Variants in HCN1 observed in about 807,000 individuals in gnomAD.
HCN1 encodes the protein potassium/sodium hyperpolarization-activated cyclic nucleotide-gated channel 1.
HCN1 carries 13 observed loss-of-function variants against 78.9 expected under a neutral mutation model. That is an observed-to-expected ratio of 0.16 (90% CI 0.11 to 0.26). HCN1 has a LOEUF of 0.26. Ranked by LOEUF, HCN1 falls within the 10% of genes least tolerant of loss-of-function variation. The probability of loss-of-function intolerance (pLI) is 1.00; values close to 1 mark genes in which losing one functional copy is unlikely to be tolerated. For missense variants in HCN1, 810 were observed against 1,154.3 expected, an observed-to-expected ratio of 0.70 and a Z score of 4.32; for synonymous variants, 552 against 455.5, an observed-to-expected ratio of 1.21 and a Z score of -2.70.
intron 2 of HCN1, among the ~76,000 whole-genome samples, chr5:45,526,350 C>A (rs547648037): frequency 6.6e-6 from 1 of 152,188 alleles, no homozygotes; most frequent in East Asian, 1.9e-4. Flanking sequence ...CTAAACTAAA[C>A]TCCCTGGGAG....
intron 5 of HCN1, among the ~76,000 whole-genome samples, chr5:45,322,589 A>G (rs1746146286): frequency 6.6e-6 from 1 of 151,872 alleles, no homozygotes. Flanking sequence ...TATGTTTCAT[A>G]TATACTTCAA....
At chr5:45,279,559 C>T (rs980408894) in intron 6 of HCN1, among the ~76,000 whole-genome samples, 2 of 152,024 alleles carry the variant, frequency 1.3e-5, no homozygotes, top group Admixed American at 6.6e-5. Flanking sequence ...TAACAATATA[C>T]TATATTACTA....
At chr5:45,337,412 G>A (rs1280607555) in intron 5 of HCN1, among the ~76,000 whole-genome samples, 1 of 152,094 alleles carries the variant, frequency 6.6e-6, no homozygotes, top group Non-Finnish European at 1.5e-5. Context: ...TCTGTGGACA[G>A]AAGACTTTGT....
intron 4 of HCN1, among the ~76,000 whole-genome samples, chr5:45,357,746 G>A (rs1747029572): frequency 6.6e-6 from 1 of 151,952 alleles, no homozygotes; most frequent in Admixed American, 6.6e-5. Context: ...AATGATTTGT[G>A]CTATGGTTTG....
chr5:45,671,464 A>G (rs1326268529), intron 1 of HCN1, among the ~76,000 whole-genome samples: 2 of 151,396 alleles, frequency 1.3e-5, no homozygotes, highest in Non-Finnish European at 3.0e-5. Context: ...CTCCCACTAG[A>G]CTGTAAGATC....
chr5:45,323,041 G>T (rs1746154208), intron 5 of HCN1, among the ~76,000 whole-genome samples: 1 of 151,830 alleles, frequency 6.6e-6, no homozygotes, highest in Non-Finnish European at 1.5e-5. Flanking sequence ...TAAGCTTAAA[G>T]TTAAAAACTG....
At chr5:45,679,843 T>G (rs947169720) in intron 1 of HCN1, among the ~76,000 whole-genome samples, 4 of 152,090 alleles carry the variant, frequency 2.6e-5, no homozygotes, top group African/African-American at 9.7e-5. Context: ...GGCCTGTTGT[T>G]GCTGTGACAC....
intron 5 of HCN1, among the ~76,000 whole-genome samples, chr5:45,316,203 A>G (rs189010967): frequency 5.9e-4 from 90 of 152,330 alleles, no homozygotes; most frequent in Non-Finnish European, 1.1e-3. Flanking sequence ...CACATCTAAA[A>G]GGTTATCCAC....
chr5:45,652,878 T>C (rs1467587237), intron 1 of HCN1, among the ~76,000 whole-genome samples: 1 of 152,012 alleles, frequency 6.6e-6, no homozygotes, highest in Non-Finnish European at 1.5e-5. Context: ...CCTAATACAA[T>C]ATTTTTCAAA....
intron 4 of HCN1, among the ~76,000 whole-genome samples, chr5:45,372,904 C>CTATACATAAAAATATACACGTATTT (rs1747449823): frequency 1.4e-5 from 2 of 139,420 alleles, no homozygotes; most frequent in Admixed American, 7.6e-5. Flanking sequence ...TGTACGTATT[C>CTATACATAAAAATATACACGTATTT]TATACATAAA....
At chr5:45,456,153 G>A (rs1292551304) in intron 3 of HCN1, among the ~76,000 whole-genome samples, 3 of 151,756 alleles carry the variant, frequency 2.0e-5, no homozygotes, top group Non-Finnish European at 4.4e-5. Context: ...GAGAATTAGA[G>A]GCTTATTAAT....
At chr5:45,511,258 C>G (rs1402471969) in intron 2 of HCN1, among the ~76,000 whole-genome samples, 1 of 151,834 alleles carries the variant, frequency 6.6e-6, no homozygotes, top group Non-Finnish European at 1.5e-5. Flanking sequence ...ATGATTGAAT[C>G]AAGAGATAAA....
intron 2 of HCN1, among the ~76,000 whole-genome samples, chr5:45,547,822 A>C (rs1425625738): frequency 1.3e-5 from 2 of 152,060 alleles, no homozygotes; most frequent in East Asian, 3.9e-4. Context: ...GAGAAAAGAG[A>C]CATTCCACTA....
intron 1 of HCN1, among the ~76,000 whole-genome samples, chr5:45,659,042 T>C (rs1223775533): frequency 1.3e-5 from 2 of 151,950 alleles, no homozygotes; most frequent in East Asian, 3.9e-4. Context: ...CTCTGCAGAC[T>C]TAAGTGTCCC....
At chr5:45,599,413 G>T (rs1561215489) in intron 2 of HCN1, among the ~76,000 whole-genome samples, 1 of 151,636 alleles carries the variant, frequency 6.6e-6, no homozygotes, top group Non-Finnish European at 1.5e-5. Context: ...ATGTCAGGGG[G>T]TGGGGGCTGG....
rs1428694352 is a variant in HCN1, at chr5:45,520,452, G to A, written c.850-58445C>T. Among the ~76,000 whole-genome samples the A allele has an allele frequency of 3.3e-5, 5 of 152,020 alleles. No individual in the cohort carries two copies. The East Asian group carries it at 5.8e-4, about 18-fold the overall frequency. On this transcript the variant is annotated intron_variant, in intron 2 of 7. Coordinates refer to ENST00000303230, the MANE Select transcript of HCN1 (RefSeq NM_021072.4). ...TGATTTATGCAACTTGTCTTATTTA[G>A]CCTTCCCATTGTCTGTTACATAGCA...
intron 2 of HCN1, among the ~76,000 whole-genome samples, chr5:45,527,946 T>C (rs67834483): frequency 1.4e-5 from 2 of 143,014 alleles, no homozygotes; most frequent in Non-Finnish European, 3.1e-5. Flanking sequence ...TTTTTTTTTT[T>C]AAACCCAAAA....
intron 1 of HCN1, among the ~76,000 whole-genome samples, chr5:45,652,759 T>C (rs1257377398): frequency 6.6e-6 from 1 of 151,996 alleles, no homozygotes; most frequent in African/African-American, 2.4e-5. Context: ...TATTATAGCA[T>C]AGCTTTTTTT....
chr5:45,317,053 G>T (rs1746008716), intron 5 of HCN1, among the ~76,000 whole-genome samples: 1 of 151,816 alleles, frequency 6.6e-6, no homozygotes, highest in African/African-American at 2.4e-5. Flanking sequence ...TCAAAAAATT[G>T]GGAAAAAAAC....
Sources: gnomAD v4.1 joint callset for allele counts (sites outside exome capture counted in the v4.1 genomes callset) on GRCh38, gnomAD v4.1.1 for gene constraint, MANE v1.5 for transcripts, NCBI Gene and HGNC (gene_info 2026-07-23, HGNC 2026-07-21) for gene names.